Variants in CRY1 observed in about 807,000 individuals in gnomAD.
CRY1 encodes cryptochrome-1.
CRY1 carries 45 observed loss-of-function variants against 76.0 expected under a neutral mutation model. That is an observed-to-expected ratio of 0.59 (90% confidence interval 0.47 to 0.76). CRY1 has a LOEUF of 0.76. Among genes scored for constraint, CRY1 ranks in the 30% least tolerant of loss-of-function variants. CRY1 has a pLI of 0.00. For missense variants in CRY1, 587 were observed against 716.4 expected (o/e 0.82, Z 2.06); for synonymous variants, 248 against 244.0 (o/e 1.02, Z -0.15).
chr12:107,024,227 T>C (rs1952585052), intron 1 of CRY1, among the ~76,000 whole-genome samples: 1 of 152,160 alleles, frequency 6.6e-6, no homozygotes, highest in South Asian at 2.1e-4. Flanking sequence ...GTTCTCCATA[T>C]TCAACTTTTT....
At chr12:107,012,929 C>T (rs182150383) in intron 2 of CRY1, among the ~76,000 whole-genome samples, 4 of 152,274 alleles carry the variant, frequency 2.6e-5, no homozygotes, top group Non-Finnish European at 4.4e-5. Flanking sequence ...TGAATTACTG[C>T]AATCTTATGA....
In CRY1 at chr12:107,080,327, G is replaced by A. The variant is rs1005843404; in HGVS notation, c.158+12477C>T. Among the ~76,000 whole-genome samples, 6 of 152,000 alleles carry A rather than the reference G, an allele frequency of 3.9e-5. No individual in the cohort carries two copies. The South Asian group carries it at 1.2e-3, about 31-fold the overall frequency. On this transcript the variant is annotated intron_variant, in intron 1 of 12. Transcript: ENST00000008527. ...GAGGTAATGTCATATATTCAAGCAG[G>A]CAAATGGGTATATATGATACATACA...
chr12:107,000,806 C>T (rs1952299783), intron 5 of CRY1, among the ~76,000 whole-genome samples: 1 of 151,924 alleles, frequency 6.6e-6, no homozygotes, highest in Non-Finnish European at 1.5e-5. Context: ...CACACCACCA[C>T]CCTGGCTAAC....
intron 2 of CRY1, among the ~76,000 whole-genome samples, chr12:107,018,133 G>T (rs1278131554): frequency 1.3e-5 from 2 of 152,196 alleles, no homozygotes; most frequent in African/African-American, 4.8e-5. Context: ...AATTAACAAA[G>T]CAAGATCCAA....
intron 2 of CRY1, among the ~76,000 whole-genome samples, chr12:107,015,139 G>C (rs913951268): frequency 7.2e-5 from 11 of 152,108 alleles, no homozygotes; most frequent in African/African-American, 2.7e-4. Flanking sequence ...GCCTCCCAAA[G>C]TGCTGGGATT....
chr12:107,001,291 A>G lies in CRY1; in HGVS notation c.673T>C (p.Leu225=). 1 of 1,613,186 alleles carries G rather than the reference A, an allele frequency of 6.2e-7. No homozygotes were observed. Among genetic ancestry groups the G allele is most frequent in the Non-Finnish European group, 8.5e-7 (1 of 1,179,290 alleles). ...TEALTRLERH[L]ERKAWVANFE... ...CTACATTATCATACTTTTCTTTCCA[A>G]ATGCCTTTCCAAACGAGTAAGTGCT... Residue 225 remains leucine, a synonymous_variant, in exon 5 of 13, where the codon TTG becomes CTG. Coordinates refer to ENST00000008527, the MANE Select transcript of CRY1 (RefSeq NM_004075.5).
rs1952963166 is a variant in CRY1, at chr12:107,054,651, A to AG, written c.159-32460_159-32459insC. ...CATCTAAAAGACTCCAGAAAGTTTG[A>AG]AAAAAAAAAAAAGGGATACAAAAAA... On this transcript the variant is annotated intron_variant, in intron 1 of 12. Coordinates refer to ENST00000008527, the MANE Select transcript of CRY1 (RefSeq NM_004075.5). Among the ~76,000 whole-genome samples the AG allele has an allele frequency of 9.9e-5, 14 of 141,272 alleles. No individual in the cohort carries two copies. In the South Asian group the frequency reaches 3.1e-3, roughly 31 times the overall value. The allele number at this position is 141,272 out of a possible 152,430, so 92.7% of individuals were successfully genotyped here.
chr12:107,091,455 C>T (rs776168070), intron 1 of CRY1, among the ~76,000 whole-genome samples: 5 of 152,158 alleles, frequency 3.3e-5, no homozygotes, highest in Admixed American at 2.6e-4. Flanking sequence ...TGATTCAAGC[C>T]GTTATCATCT....
chr12:107,059,130 T>C (rs987356301), intron 1 of CRY1, among the ~76,000 whole-genome samples: 1 of 152,238 alleles, frequency 6.6e-6, no homozygotes, highest in Non-Finnish European at 1.5e-5. Flanking sequence ...AACAAAAGTT[T>C]CATAAAACAG....
chr12:107,067,441 T>C (rs757915438), intron 1 of CRY1, among the ~76,000 whole-genome samples: 9 of 152,276 alleles, frequency 5.9e-5, no homozygotes, highest in East Asian at 5.8e-4. Context: ...CCTTGGGATG[T>C]TGTCTTTAGA....
intron 1 of CRY1, among the ~76,000 whole-genome samples, chr12:107,058,870 A>T (rs1313851346): frequency 6.6e-6 from 1 of 152,310 alleles, no homozygotes; most frequent in Non-Finnish European, 1.5e-5. Flanking sequence ...GCTCTTGATG[A>T]TTTCATAATT....
intron 1 of CRY1, among the ~76,000 whole-genome samples, chr12:107,050,640 C>T (rs1026171244): frequency 6.6e-6 from 1 of 152,126 alleles, no homozygotes; most frequent in Non-Finnish European, 1.5e-5. Context: ...GAAGTGTGTG[C>T]CAAAATATCT....
intron 1 of CRY1, among the ~76,000 whole-genome samples, chr12:107,049,174 C>T (rs1196611215): frequency 6.6e-6 from 1 of 152,146 alleles, no homozygotes; most frequent in Admixed American, 6.5e-5. Flanking sequence ...GTCCAGGGCT[C>T]CTCTTCCTTG....
At chr12:106,999,516 A>G (rs776742362) in intron 7 of CRY1, 35 bp downstream of exon 7, 1 of 1,535,740 alleles carries the variant, frequency 6.5e-7, no homozygotes, top group Admixed American at 2.1e-5. Context: ...GGATTCCTTC[A>G]AAATAAGGCA....
intron 1 of CRY1, among the ~76,000 whole-genome samples, chr12:107,048,907 T>C (rs1053182798): frequency 1.3e-5 from 2 of 152,266 alleles, no homozygotes; most frequent in African/African-American, 4.8e-5. Flanking sequence ...CCTCCTGGTT[T>C]CAGTCATTTT....
intron 1 of CRY1, among the ~76,000 whole-genome samples, chr12:107,040,271 CTT>C (rs34066417): frequency 5.5e-4 from 74 of 134,370 alleles, no homozygotes; most frequent in Admixed American, 1.3e-3. Flanking sequence ...ACTTTCTTTC[CTT>C]TTTTTTTTTT....
intron 2 of CRY1, 106 bp from the exon 3 acceptor site, chr12:107,005,354 A>C (rs1208223772): frequency 7.4e-6 from 9 of 1,222,370 alleles, no homozygotes; most frequent in Admixed American, 5.3e-5. Flanking sequence ...AGGATTATAC[A>C]TAAATCAAAC....
intron 1 of CRY1, among the ~76,000 whole-genome samples, chr12:107,049,320 C>T (rs772948297): frequency 5.3e-5 from 8 of 152,092 alleles, no homozygotes; most frequent in East Asian, 1.9e-4. Context: ...ATGTCAAGTT[C>T]GATTATCTTG....
In CRY1 at chr12:107,093,305, C is replaced by G. The variant is rs1236553830; in HGVS notation, c.-344G>C. The stretch of plus-strand genomic sequence containing the variant: ...AGGAGCTCGAGCCGCCACGACGGCC[C>G]GAGCCGGCACGGACGGCCCCAGGAG... On this transcript the variant is annotated 5_prime_UTR_variant, in exon 1 of 13. Coordinates refer to ENST00000008527, the MANE Select transcript of CRY1 (RefSeq NM_004075.5). The G allele has an allele frequency of 1.7e-5, 4 of 237,758 alleles. No homozygotes were observed. The highest frequency in any genetic ancestry group is 3.2e-5 in the Non-Finnish European group (4 of 123,382). 14.7% of individuals were successfully genotyped at this position (237,758 alleles called of 1,614,324 possible).
Sources: allele counts gnomAD v4.1 joint callset (sites outside exome capture counted in the v4.1 genomes callset), GRCh38; gene constraint gnomAD v4.1.1; transcripts MANE v1.5; gene names NCBI Gene and HGNC (gene_info 2026-07-23, HGNC 2026-07-21).